IMMP1L: variants seen among roughly 807,000 people sequenced by gnomAD.
The protein encoded by IMMP1L is inner mitochondrial membrane peptidase subunit 1, also known as mitochondrial inner membrane protease subunit 1.
In IMMP1L, 24 loss-of-function variants were observed where a neutral mutation model predicts 21.8. That is an observed-to-expected ratio of 1.10 (90% CI 0.80 to 1.55). The LOEUF is 1.55. Ranked by LOEUF, IMMP1L falls within the 40% of genes most tolerant of loss-of-function variation. The probability of loss-of-function intolerance (pLI) is 0.00; values close to 1 mark genes in which losing one functional copy is unlikely to be tolerated. For synonymous variants in IMMP1L, 46 were observed against 62.8 expected (o/e 0.73, Z 1.26); for missense variants, 195 against 200.7 (o/e 0.97, Z 0.17).
chr11:31,478,068 G>A (rs1954780911), intron 1 of IMMP1L, among the ~76,000 whole-genome samples: 1 of 152,120 alleles, frequency 6.6e-6, no homozygotes, highest in East Asian at 1.9e-4. Flanking sequence ...CAAAAACCCT[G>A]ATATGACTAT....
intron 1 of IMMP1L, among the ~76,000 whole-genome samples, chr11:31,494,039 C>T (rs1955346015): frequency 6.6e-6 from 1 of 152,188 alleles, no homozygotes; most frequent in South Asian, 2.1e-4. Flanking sequence ...AGTGGATCTA[C>T]CATTCCGGGG....
chr11:31,477,564 G>A (rs573053830), intron 1 of IMMP1L: 3 of 984,736 alleles, frequency 3.0e-6, no homozygotes, highest in East Asian at 1.1e-4. Flanking sequence ...ATAGCTTTGA[G>A]CTTCATGAAT....
At chr11:31,433,950 A>G (rs1403866465) in intron 4 of IMMP1L, among the ~76,000 whole-genome samples, 4 of 152,174 alleles carry the variant, frequency 2.6e-5, no homozygotes, top group African/African-American at 9.6e-5. Context: ...CAGTATAAGC[A>G]GGGCAGCCAC....
intron 4 of IMMP1L, chr11:31,453,100 T>C: frequency 7.8e-7 from 1 of 1,289,188 alleles, no homozygotes; most frequent in Non-Finnish European, 1.0e-6. Context: ...TACCTAACAG[T>C]AAAAAATAAA....
intron 4 of IMMP1L, among the ~76,000 whole-genome samples, chr11:31,436,761 A>G (rs1289890096): frequency 6.6e-6 from 1 of 152,156 alleles, no homozygotes; most frequent in African/African-American, 2.4e-5. Context: ...TAACAACTAC[A>G]GAAAGGAATC....
At chr11:31,496,306 C>CA (rs572366002) in intron 1 of IMMP1L, among the ~76,000 whole-genome samples, 1 of 152,102 alleles carries the variant, frequency 6.6e-6, no homozygotes, top group African/African-American at 2.4e-5. Context: ...TGACTATTAT[C>CA]AAAAAAACAG....
intron 1 of IMMP1L, chr11:31,477,565 C>T (rs542977020): frequency 1.0e-6 from 1 of 984,822 alleles, no homozygotes; most frequent in East Asian, 1.1e-4. Context: ...TAGCTTTGAG[C>T]TTCATGAATG....
intron 1 of IMMP1L, among the ~76,000 whole-genome samples, chr11:31,503,345 C>A (rs752923763): frequency 6.6e-6 from 1 of 151,842 alleles, no homozygotes; most frequent in Non-Finnish European, 1.5e-5. Flanking sequence ...GAAGGCGGAA[C>A]AAACAAAGCC....
intron 4 of IMMP1L, among the ~76,000 whole-genome samples, chr11:31,450,829 T>C (rs562492679): frequency 5.4e-4 from 82 of 152,250 alleles, no homozygotes; most frequent in African/African-American, 1.9e-3. Context: ...CCTATTCATA[T>C]ATATCTAGAT....
At chr11:31,449,922 TA>T (rs1417250284) in intron 4 of IMMP1L, among the ~76,000 whole-genome samples, 1 of 152,190 alleles carries the variant, frequency 6.6e-6, no homozygotes, top group Non-Finnish European at 1.5e-5. Flanking sequence ...TGCTATCCAC[TA>T]ACCACACTAA....
At chr11:31,448,762 A>C (rs1953628582) in intron 4 of IMMP1L, among the ~76,000 whole-genome samples, 1 of 152,244 alleles carries the variant, frequency 6.6e-6, no homozygotes, top group African/African-American at 2.4e-5. Flanking sequence ...TATTACTGTT[A>C]AACTAAGCTC....
intron 3 of IMMP1L, among the ~76,000 whole-genome samples, chr11:31,459,417 T>C (rs1177730017): frequency 6.6e-6 from 1 of 152,198 alleles, no homozygotes; most frequent in Non-Finnish European, 1.5e-5. Context: ...AAAGCAGGCA[T>C]AGATTTTTTT....
chr11:31,448,926 A>G (rs1263009569), intron 4 of IMMP1L: 3 of 984,988 alleles, frequency 3.0e-6, no homozygotes, highest in Admixed American at 1.2e-4. Flanking sequence ...TAGCTATAGA[A>G]TGAAAAAGTC....
chr11:31,479,711 T>A (rs1954829657), intron 1 of IMMP1L, among the ~76,000 whole-genome samples: 1 of 151,978 alleles, frequency 6.6e-6, no homozygotes, highest in Non-Finnish European at 1.5e-5. Context: ...ATTGAAAATA[T>A]TTTGGTTATA....
intron 1 of IMMP1L, among the ~76,000 whole-genome samples, chr11:31,487,085 CAA>C (rs757978008): frequency 2.6e-5 from 4 of 151,478 alleles, no homozygotes; most frequent in African/African-American, 7.3e-5. Flanking sequence ...TATTTTACAA[CAA>C]AAAGTTATAA....
chr11:31,473,867 A>G (rs1954646283), intron 1 of IMMP1L: 2 of 274,778 alleles, frequency 7.3e-6, no homozygotes, highest in African/African-American at 2.3e-5. Flanking sequence ...AATACATTAT[A>G]TATGTATATA....
intron 1 of IMMP1L, among the ~76,000 whole-genome samples, chr11:31,465,613 C>T (rs1382428878): frequency 6.6e-6 from 1 of 151,976 alleles, no homozygotes. Flanking sequence ...ACCAATGGGA[C>T]ACAATAGAGA....
chr11:31,436,420 G>A (rs537511456), intron 4 of IMMP1L, among the ~76,000 whole-genome samples: 1 of 152,158 alleles, frequency 6.6e-6, no homozygotes, highest in Non-Finnish European at 1.5e-5. Context: ...TCAAATTAGC[G>A]ACATCATCTC....
intron 1 of IMMP1L, among the ~76,000 whole-genome samples, chr11:31,473,053 GTTGT>G (rs1477574867): frequency 2.8e-5 from 4 of 144,610 alleles, no homozygotes; most frequent in African/African-American, 5.2e-5. Context: ...TGTTGTTGTT[GTTGT>G]TTGTTTTTTT....
Sources: allele counts gnomAD v4.1 joint callset (sites outside exome capture counted in the v4.1 genomes callset), GRCh38; gene constraint gnomAD v4.1.1; transcripts MANE v1.5; gene names NCBI Gene and HGNC (gene_info 2026-07-23, HGNC 2026-07-21).